AAGAB: variants seen among roughly 807,000 people sequenced by gnomAD.
AAGAB encodes the protein alpha- and gamma-adaptin-binding protein p34.
Under a neutral mutation model 44.1 loss-of-function variants are expected in AAGAB, and 38 were observed. That is an observed-to-expected ratio of 0.86 (90% CI 0.67 to 1.13). The LOEUF is 1.13. AAGAB is among the 50% of genes most tolerant of loss of function. The pLI is 0.00. For synonymous variants in AAGAB, 131 were observed against 131.8 expected (o/e 0.99, Z 0.04); for missense variants, 450 against 373.8 (o/e 1.20, Z -1.68).
At position 67,234,395 on chromosome 15, in the gene AAGAB, C is replaced by CT. The variant is rs1964415506; in HGVS notation, c.451+1583dup. Reference sequence around the variant, plus strand: ...TTAATTCTCAAAAGAATAACTAATACTTTAGATGATATAACCAGGAACCAA... The same window carrying CT: ...TTAATTCTCAAAAGAATAACTAATACTTTTAGATGATATAACCAGGAACCAA... On this transcript the variant is annotated intron_variant, in intron 4 of 9. Coordinates refer to ENST00000261880, the MANE Select transcript of AAGAB (RefSeq NM_024666.5). Among the ~76,000 whole-genome samples, 5 of 152,150 alleles carry CT rather than the reference C, an allele frequency of 3.3e-5. No individual in the cohort carries two copies. The South Asian group carries it at 1.0e-3, about 31-fold the overall frequency.
chr15:67,226,076 G>C (rs1230224516), intron 5 of AAGAB, among the ~76,000 whole-genome samples: 2 of 151,724 alleles, frequency 1.3e-5, no homozygotes, highest in African/African-American at 2.4e-5. Context: ...AGTGTGAAGT[G>C]GTATTTCATT....
chr15:67,205,147 T>C (rs186482005), intron 7 of AAGAB, among the ~76,000 whole-genome samples: 177 of 152,326 alleles, frequency 1.2e-3, no homozygotes, highest in African/African-American at 3.8e-3. Flanking sequence ...GATAAAGCCA[T>C]GATTTGAACC....
At chr15:67,232,097 A>G (rs1016501487) in intron 4 of AAGAB, among the ~76,000 whole-genome samples, 200 bp from the exon 5 acceptor site, 5 of 151,950 alleles carry the variant, frequency 3.3e-5, no homozygotes, top group Non-Finnish European at 5.9e-5. Flanking sequence ...CTACTAAAAA[A>G]TACAAAATTA....
intron 5 of AAGAB, among the ~76,000 whole-genome samples, chr15:67,222,238 G>GCACA (rs1280858919): frequency 2.2e-5 from 1 of 45,836 alleles, no homozygotes; most frequent in African/African-American, 8.9e-5. Context: ...GCACGCGCGC[G>GCACA]CGCGCACACA....
At chr15:67,240,615 T>G (rs962577610) in intron 1 of AAGAB, among the ~76,000 whole-genome samples, 2 of 152,208 alleles carry the variant, frequency 1.3e-5, no homozygotes, top group African/African-American at 4.8e-5. Flanking sequence ...TCCTTCAGTA[T>G]TAAGTGCAAG....
At chr15:67,230,503 C>T (rs770051682) in intron 5 of AAGAB, among the ~76,000 whole-genome samples, 35 of 152,114 alleles carry the variant, frequency 2.3e-4, no homozygotes, top group Non-Finnish European at 4.1e-4. Flanking sequence ...AGTTATGCTG[C>T]CACAAGCTAA....
chr15:67,242,466 A>T (rs1234860728), intron 1 of AAGAB, among the ~76,000 whole-genome samples: 1 of 131,738 alleles, frequency 7.6e-6, no homozygotes, highest in African/African-American at 2.9e-5. Context: ...AAAAAAAAAA[A>T]TCATATCGGA....
At chr15:67,231,035 T>C (rs1964322024) in intron 5 of AAGAB, among the ~76,000 whole-genome samples, 2 of 152,126 alleles carry the variant, frequency 1.3e-5, no homozygotes, top group Admixed American at 1.3e-4. Flanking sequence ...TTAGTGACCC[T>C]AGAATACACA....
chr15:67,253,756 TAA>T (rs34153830), intron 1 of AAGAB, among the ~76,000 whole-genome samples: 3 of 142,690 alleles, frequency 2.1e-5, no homozygotes, highest in African/African-American at 2.6e-5. Flanking sequence ...CCCGTCTCTT[TAA>T]AAAAAAAAAA....
rs185497072 is a variant in AAGAB, at chr15:67,233,486, C to G, written c.452-1589G>C. 1.1e-4 allele frequency among the ~76,000 whole-genome samples: 17 copies of G among 152,280 alleles called. No individual in the cohort carries two copies. In the East Asian group the frequency reaches 2.7e-3, roughly 24 times the overall value. ...TAAGGCTGCGTCTGGAAAATAATGA[C>G]AGAAATAGTTTTCATGTGGTTAAAA... is the stretch of plus-strand genomic sequence containing the variant. On this transcript the variant is annotated intron_variant, in intron 4 of 9. Coordinates refer to ENST00000261880, the MANE Select transcript of AAGAB (RefSeq NM_024666.5).
At position 67,254,296 on chromosome 15, in the gene AAGAB, T is replaced by C. The variant is rs575734976; in HGVS notation, c.73+263A>G. ...ATCTCAACGGATCCTCGCAAAAACCTGTGGCCTGGGCTGAGCAGAGCGGGA... is the reference window on the plus strand; with the variant it reads ...ATCTCAACGGATCCTCGCAAAAACCCGTGGCCTGGGCTGAGCAGAGCGGGA... On this transcript the variant is annotated intron_variant, in intron 1 of 9. Transcript: ENST00000261880. 16 of 895,846 alleles carry C rather than the reference T, an allele frequency of 1.8e-5. No individual in the cohort carries two copies. The South Asian group carries it at 1.9e-4, about 11-fold the overall frequency. The allele number at this position is 895,846 out of a possible 1,614,324, so 55.5% of individuals were successfully genotyped here.
chr15:67,238,490 C>T (rs1253891060), intron 1 of AAGAB, among the ~76,000 whole-genome samples: 1 of 152,190 alleles, frequency 6.6e-6, no homozygotes, highest in Non-Finnish European at 1.5e-5. Context: ...TCAAAGTCTA[C>T]ACTGTTACAC....
intron 1 of AAGAB, among the ~76,000 whole-genome samples, chr15:67,237,488 T>A (rs1329342988): frequency 6.6e-6 from 1 of 152,244 alleles, no homozygotes; most frequent in African/African-American, 2.4e-5. Flanking sequence ...TTTTAGATTA[T>A]AACTGAATCT....
At position 67,202,769 on chromosome 15, in the gene AAGAB, G is replaced by T; in HGVS notation, c.*52C>A. The T allele has an allele frequency of 6.4e-7, 1 of 1,568,234 alleles. No homozygotes were observed. On this transcript the variant is annotated 3_prime_UTR_variant, in exon 10 of 10. Coordinates refer to ENST00000261880, the MANE Select transcript of AAGAB (RefSeq NM_024666.5). ...AAATATGACTGGGCTGAGTAGAGAGGTATCTCAGAGACAGCTAGCATCTTT... is the reference window on the plus strand; with the variant it reads ...AAATATGACTGGGCTGAGTAGAGAGTTATCTCAGAGACAGCTAGCATCTTT...
intron 5 of AAGAB, among the ~76,000 whole-genome samples, chr15:67,221,422 G>C (rs755456061): frequency 6.6e-6 from 1 of 152,164 alleles, no homozygotes; most frequent in South Asian, 2.1e-4. Flanking sequence ...GCAATTAATT[G>C]CTTCTAGGAC....
chr15:67,232,815 G>A, intron 4 of AAGAB: 1 of 194,478 alleles, frequency 5.1e-6, no homozygotes. Flanking sequence ...GCCAGTGTTA[G>A]TGCTGGCAAA....
intron 1 of AAGAB, among the ~76,000 whole-genome samples, chr15:67,248,616 T>C (rs1964784649): frequency 6.6e-6 from 1 of 152,206 alleles, no homozygotes; most frequent in African/African-American, 2.4e-5. Context: ...GAAATAACAA[T>C]GTTCTCTTTA....
intron 5 of AAGAB, among the ~76,000 whole-genome samples, chr15:67,215,978 T>C (rs548221399): frequency 6.6e-6 from 1 of 152,326 alleles, no homozygotes; most frequent in Non-Finnish European, 1.5e-5. Context: ...GGAAAGTGAA[T>C]CTGCTCTCCC....
chr15:67,222,242 G>GCGCGCGCGCGCGCGCACA (rs1367738219), intron 5 of AAGAB, among the ~76,000 whole-genome samples: 1 of 90,044 alleles, frequency 1.1e-5, no homozygotes, highest in African/African-American at 3.8e-5. Flanking sequence ...GCGCGCGCGC[G>GCGCGCGCGCGCGCGCACA]CACACACACA....
Sources: gnomAD v4.1 joint callset for allele counts (sites outside exome capture counted in the v4.1 genomes callset) on GRCh38, gnomAD v4.1.1 for gene constraint, MANE v1.5 for transcripts, NCBI Gene and HGNC (gene_info 2026-07-23, HGNC 2026-07-21) for gene names.